The following ST3GAL3 variants were observed in gnomAD, a reference collection of about 807,000 sequenced individuals.
ST3GAL3 encodes the protein ST3 beta-galactoside alpha-2,3-sialyltransferase 3, also known as CMP-N-acetylneuraminate-beta-1,4-galactoside alpha-2,3-sialyltransferase.
ST3GAL3 carries 21 observed loss-of-function variants against 50.1 expected under a neutral mutation model. The ratio of observed to expected loss-of-function variants is 0.42; its 90% CI spans 0.30 to 0.60. ST3GAL3 has a LOEUF of 0.60. Among genes scored for constraint, ST3GAL3 ranks in the 20% least tolerant of loss-of-function variants. ST3GAL3 has a pLI of 0.19. For missense variants in ST3GAL3, 353 were observed against 489.4 expected (o/e 0.72, Z 2.63); for synonymous variants, 183 against 190.0 (o/e 0.96, Z 0.30).
In ST3GAL3 at chr1:43,859,640, T is replaced by C. The variant is rs562072246; in HGVS notation, c.302+21329T>C. Among the ~76,000 whole-genome samples the C allele has an allele frequency of 4.5e-4, 68 of 152,288 alleles. No individual in the cohort carries two copies. The South Asian group carries it at 7.5e-3, about 17-fold the overall frequency. On this transcript the variant is annotated intron_variant, in intron 5 of 11. Coordinates refer to ENST00000347631, the MANE Select transcript of ST3GAL3 (RefSeq NM_006279.5). ...TGCTGCTCAGCCCCTTCAGATAGTG[T>C]GTCTGGGCCACAGGCCAATTGCCAG... is the stretch of plus-strand genomic sequence containing the variant.
intron 11 of ST3GAL3, among the ~76,000 whole-genome samples, chr1:43,929,229 A>G (rs965621018): frequency 7.9e-5 from 12 of 152,186 alleles, no homozygotes; most frequent in African/African-American, 2.9e-4. Flanking sequence ...TTATTCCACA[A>G]TGTATACATC....
At chr1:43,743,901 A>G (rs138403736) in intron 2 of ST3GAL3, among the ~76,000 whole-genome samples, 1 of 135,546 alleles carries the variant, frequency 7.4e-6, no homozygotes, top group African/African-American at 2.7e-5. Flanking sequence ...ACACACGCAT[A>G]TTGTACTTTT....
chr1:43,710,006 ACTTTT>A (rs981944297), intron 1 of ST3GAL3, among the ~76,000 whole-genome samples: 3 of 151,998 alleles, frequency 2.0e-5, no homozygotes, highest in East Asian at 1.9e-4. Flanking sequence ...GTTTATTCTT[ACTTTT>A]CTTCTTTTTT....
intron 5 of ST3GAL3, among the ~76,000 whole-genome samples, chr1:43,885,153 G>A (rs1323579234): frequency 1.3e-5 from 2 of 152,188 alleles, no homozygotes; most frequent in East Asian, 3.8e-4. Context: ...TGGCTGGTTA[G>A]CCTGACCCTT....
chr1:43,778,644 C>CTTTTTTTTTTTTT lies in ST3GAL3; in HGVS notation c.119-13451_119-13439dup, dbSNP rs35726867. Among the ~76,000 whole-genome samples the CTTTTTTTTTTTTT allele has an allele frequency of 4.3e-4, 51 of 118,698 alleles. 1 individual carries two copies. Among genetic ancestry groups the CTTTTTTTTTTTTT allele is most frequent in the East Asian group, 7.2e-4 (3 of 4,184 alleles). 77.9% of individuals were successfully genotyped at this position (118,698 alleles called of 152,430 possible). A position where few individuals can be genotyped will look rare whatever the true frequency, so the allele number is the denominator to read the frequency against. On this transcript the variant is annotated intron_variant, in intron 2 of 11. Coordinates refer to ENST00000347631, the MANE Select transcript of ST3GAL3 (RefSeq NM_006279.5). ...GCATCCAGATTTCTTTTCTTTTTTT[C>CTTTTTTTTTTTTT]TTTTTTTTTTTTTTTTTTTGAGACG...
At chr1:43,919,977 A>T in intron 9 of ST3GAL3, 1 of 338,998 alleles carries the variant, frequency 2.9e-6, no homozygotes, top group East Asian at 7.6e-5. Flanking sequence ...GAGAGCAGCA[A>T]GGGAAGTGGG....
Position 43,920,926 on chromosome 1 carries a change from G to C in ST3GAL3, c.1036G>C (p.Glu346Gln). The change falls in exon 11 of 12, where the codon GAG (glutamate) becomes CAG (glutamine). Residue 346 changes from glutamate to glutamine, a missense_variant and splice_region_variant. Transcript: ENST00000347631. ...GACCGTTCGCATGGCAGCCATCAAA[G>C]AGGTTCGGGGCTGGGTATGGGGGCA... is the stretch of plus-strand genomic sequence containing the variant. The part of the protein sequence containing the change: ...YETVRMAAIK[E>Q]SWTHNIQREK... 1 of 1,610,678 alleles carries C rather than the reference G, an allele frequency of 6.2e-7. No homozygotes were observed. The highest frequency in any genetic ancestry group is 1.1e-5 in the South Asian group (1 of 90,584).
chr1:43,842,293 GA>G (rs1346075918), intron 5 of ST3GAL3: 1 of 151,946 alleles, frequency 6.6e-6, no homozygotes, highest in Non-Finnish European at 1.5e-5. Flanking sequence ...CACATTTTTA[GA>G]TATCTTTCTA....
At chr1:43,917,605 ATATATT>A (rs2082198273) in intron 9 of ST3GAL3, among the ~76,000 whole-genome samples, 1 of 70,766 alleles carries the variant, frequency 1.4e-5, no homozygotes, top group African/African-American at 6.3e-5. Flanking sequence ...TATATATATT[ATATATT>A]ATATATTATA....
intron 2 of ST3GAL3, among the ~76,000 whole-genome samples, chr1:43,768,370 G>C (rs1053487519): frequency 6.6e-6 from 1 of 152,184 alleles, no homozygotes; most frequent in Non-Finnish European, 1.5e-5. Context: ...GAGCCCAGGT[G>C]TTCAAGGCTG....
At chr1:43,884,104 C>G (rs946704399) in intron 5 of ST3GAL3, among the ~76,000 whole-genome samples, 3 of 152,238 alleles carry the variant, frequency 2.0e-5, no homozygotes, top group African/African-American at 7.2e-5. Context: ...AGGTTCTGAG[C>G]TCGTACTCAG....
intron 1 of ST3GAL3, among the ~76,000 whole-genome samples, 172 bp from the exon 2 acceptor site, chr1:43,736,061 G>A (rs1242761154): frequency 6.6e-6 from 1 of 152,216 alleles, no homozygotes; most frequent in East Asian, 1.9e-4. Context: ...GCTGGCTGAT[G>A]ATGAAGCTGT....
intron 5 of ST3GAL3, among the ~76,000 whole-genome samples, chr1:43,890,107 G>A (rs1404400663): frequency 3.3e-5 from 5 of 152,072 alleles, no homozygotes; most frequent in Admixed American, 3.3e-4. Context: ...TAGAGCAAGA[G>A]CCTATCTCAA....
chr1:43,817,782 TCTTCTCCTCCTC>T (rs1237651325), intron 4 of ST3GAL3, among the ~76,000 whole-genome samples: 4,890 of 88,084 alleles, frequency 0.056, 480 homozygotes, highest in African/African-American at 0.21. Context: ...TTCTCCTCCT[TCTTCTCCTCCTC>T]CTTCTCCTCC....
At position 43,795,592 on chromosome 1, in the gene ST3GAL3, G is replaced by A. The variant is rs984341717; in HGVS notation, c.166+3443G>A. Among the ~76,000 whole-genome samples the A allele has an allele frequency of 4.6e-5, 7 of 152,304 alleles. No individual in the cohort carries two copies. The South Asian group carries it at 8.3e-4, about 18-fold the overall frequency. Reference sequence around the variant, plus strand: ...TTTATTTGGAGAGAATTTACAAAGCGCTGGGCATACCACATCGCCAAAAAC... The same window carrying A: ...TTTATTTGGAGAGAATTTACAAAGCACTGGGCATACCACATCGCCAAAAAC... On this transcript the variant is annotated intron_variant, in intron 3 of 11. Coordinates refer to ENST00000347631, the MANE Select transcript of ST3GAL3 (RefSeq NM_006279.5).
chr1:43,734,105 C>T (rs565030564), intron 1 of ST3GAL3, among the ~76,000 whole-genome samples: 19 of 151,908 alleles, frequency 1.3e-4, no homozygotes, highest in Non-Finnish European at 2.2e-4. Context: ...AGGGAAACTC[C>T]ATCTCGGGGG....
intron 2 of ST3GAL3, among the ~76,000 whole-genome samples, chr1:43,763,617 C>A (rs1691394304): frequency 6.6e-6 from 1 of 152,124 alleles, no homozygotes; most frequent in Non-Finnish European, 1.5e-5. Flanking sequence ...TCACCCTGAG[C>A]CACAAGAGGG....
At chr1:43,851,069 A>G in intron 5 of ST3GAL3, 1 of 867,920 alleles carries the variant, frequency 1.2e-6, no homozygotes, top group Admixed American at 1.7e-5. Context: ...ACCATGAGAT[A>G]CACCCCATTC....
At chr1:43,851,845 A>T (rs373001339) in intron 5 of ST3GAL3, among the ~76,000 whole-genome samples, 1 of 152,248 alleles carries the variant, frequency 6.6e-6, no homozygotes, top group African/African-American at 2.4e-5. Context: ...TGCCCTGTAC[A>T]CTGCCACGCA....
Sources: allele counts gnomAD v4.1 joint callset (sites outside exome capture counted in the v4.1 genomes callset), GRCh38; gene constraint gnomAD v4.1.1; transcripts MANE v1.5; gene names NCBI Gene and HGNC (gene_info 2026-07-23, HGNC 2026-07-21).